The following RASAL2 variants were observed in gnomAD, a reference collection of about 807,000 sequenced individuals.
RASAL2 encodes the protein ras GTPase-activating protein nGAP.
RASAL2 carries 58 observed loss-of-function variants against 128.9 expected under a neutral mutation model. The observed-to-expected ratio is 0.45, with a 90% CI of 0.36 to 0.56. The LOEUF is 0.56. RASAL2 is among the 20% of genes least tolerant of loss of function. RASAL2 has a pLI of 0.00. For synonymous variants in RASAL2, 561 were observed against 580.8 expected (o/e 0.97, Z 0.49); for missense variants, 1,360 against 1,601.6 (o/e 0.85, Z 2.57).
chr1:178,443,057 GTT>G lies in RASAL2; in HGVS notation c.1312_1313del (p.Phe438ProfsTer30). ...GGACCTTCTATTCGGATTAAATCACGTTTCCAAACTATCACCATTCTGCCTAT... is the reference window on the plus strand; with the variant it reads ...GGACCTTCTATTCGGATTAAATCACGTCCAAACTATCACCATTCTGCCTAT... On this transcript the variant is annotated frameshift_variant, in exon 8 of 18. Transcript: ENST00000367649. LOFTEE classifies it high-confidence loss of function. 6.2e-7 allele frequency: 1 copy of G among 1,613,962 alleles called. No individual in the cohort carries two copies. Among genetic ancestry groups the G allele is most frequent in the Non-Finnish European group, 8.5e-7 (1 of 1,179,924 alleles).
chr1:178,240,850 T>C (rs949066440), intron 1 of RASAL2, among the ~76,000 whole-genome samples: 14 of 151,522 alleles, frequency 9.2e-5, no homozygotes, highest in Non-Finnish European at 1.9e-4. Flanking sequence ...TTATAATGTT[T>C]TTTAGGAAAA....
intron 1 of RASAL2, among the ~76,000 whole-genome samples, chr1:178,105,689 T>C (rs1311147980): frequency 6.6e-6 from 1 of 150,800 alleles, no homozygotes; most frequent in Non-Finnish European, 1.5e-5. Context: ...TGGGGTTCTT[T>C]TTTTTTTTTT....
At chr1:178,264,622 A>C (rs1282883914) in intron 1 of RASAL2, among the ~76,000 whole-genome samples, 1 of 152,126 alleles carries the variant, frequency 6.6e-6, no homozygotes, top group Non-Finnish European at 1.5e-5. Context: ...CCAGATGAGG[A>C]AGTATATAGG....
chr1:178,241,751 T>A (rs932846607), intron 1 of RASAL2, among the ~76,000 whole-genome samples: 18 of 152,326 alleles, frequency 1.2e-4, no homozygotes, highest in Non-Finnish European at 2.4e-4. Context: ...ACAAACTTAC[T>A]CTTCATTTGG....
At chr1:178,112,164 C>A (rs929587968) in intron 1 of RASAL2, among the ~76,000 whole-genome samples, 3 of 152,102 alleles carry the variant, frequency 2.0e-5, no homozygotes, top group Non-Finnish European at 4.4e-5. Flanking sequence ...TTCTCTTAAA[C>A]CTTTCAAAGA....
chr1:178,418,645 G>A (rs1039103841), intron 4 of RASAL2, among the ~76,000 whole-genome samples: 44 of 152,192 alleles, frequency 2.9e-4, no homozygotes, highest in African/African-American at 1.0e-3. Context: ...AATAAAAGGA[G>A]CAATGCCTGC....
At chr1:178,321,292 G>A (rs1668763931) in intron 3 of RASAL2, among the ~76,000 whole-genome samples, 1 of 151,914 alleles carries the variant, frequency 6.6e-6, no homozygotes, top group Non-Finnish European at 1.5e-5. Flanking sequence ...CCCCATGTTG[G>A]CCAGGCTAGT....
chr1:178,416,603 TTCTC>T (rs1263107912), intron 4 of RASAL2, among the ~76,000 whole-genome samples: 1 of 152,170 alleles, frequency 6.6e-6, no homozygotes, highest in African/African-American at 2.4e-5. Context: ...TTGTTTTCTT[TTCTC>T]TCTAAGGAAC....
intron 1 of RASAL2, among the ~76,000 whole-genome samples, chr1:178,225,531 G>A (rs1663755616): frequency 6.6e-6 from 1 of 151,670 alleles, no homozygotes. Context: ...TCTTGTCACT[G>A]TTATGAATGT....
chr1:178,220,098 C>T lies in RASAL2; in HGVS notation c.203-63466C>T, dbSNP rs368124044. Among the ~76,000 whole-genome samples, 16 of 152,220 alleles carry T rather than the reference C, an allele frequency of 1.1e-4. No individual in the cohort carries two copies. The East Asian group carries it at 3.1e-3, about 29-fold the overall frequency. On this transcript the variant is annotated intron_variant, in intron 1 of 17. Coordinates refer to ENST00000367649, the MANE Select transcript of RASAL2 (RefSeq NM_170692.4). ...TGCCTGCTCCCCCTTTGCCTTCCACCATGATTGTAAGCTTCCTGAGGCTGT... is the reference window on the plus strand; with the variant it reads ...TGCCTGCTCCCCCTTTGCCTTCCACTATGATTGTAAGCTTCCTGAGGCTGT...
intron 3 of RASAL2, chr1:178,372,466 C>A: frequency 1.6e-6 from 1 of 633,398 alleles, no homozygotes; most frequent in Non-Finnish European, 2.0e-6. Flanking sequence ...AAGTCGTTTG[C>A]TTTTCAAATT....
chr1:178,133,260 G>A (rs1000139879), intron 1 of RASAL2, among the ~76,000 whole-genome samples: 1 of 151,994 alleles, frequency 6.6e-6, no homozygotes, highest in Non-Finnish European at 1.5e-5. Context: ...TTACTCTTAC[G>A]CATTTTGCTC....
intron 1 of RASAL2, among the ~76,000 whole-genome samples, chr1:178,180,834 A>G (rs1662082706): frequency 6.6e-6 from 1 of 152,116 alleles, no homozygotes; most frequent in East Asian, 1.9e-4. Flanking sequence ...AAAAAAACCC[A>G]CAATTTATTC....
intron 12 of RASAL2, among the ~76,000 whole-genome samples, chr1:178,455,254 T>G (rs970980168): frequency 6.6e-6 from 1 of 152,178 alleles, no homozygotes. Flanking sequence ...ATTTTCTTCC[T>G]TCTGGAATTT....
At chr1:178,165,464 A>G (rs1319603476) in intron 1 of RASAL2, among the ~76,000 whole-genome samples, 3 of 152,182 alleles carry the variant, frequency 2.0e-5, no homozygotes, top group South Asian at 2.1e-4. Context: ...GAGGATGTGC[A>G]TAGGTTATAC....
At chr1:178,231,247 C>T (rs1038839963) in intron 1 of RASAL2, among the ~76,000 whole-genome samples, 2 of 151,966 alleles carry the variant, frequency 1.3e-5, no homozygotes, top group Admixed American at 1.3e-4. Flanking sequence ...TGGGGTGGGC[C>T]CTCTCCTGTC....
chr1:178,299,290 A>G (rs1003484044), intron 2 of RASAL2, among the ~76,000 whole-genome samples: 1 of 152,318 alleles, frequency 6.6e-6, no homozygotes, highest in African/African-American at 2.4e-5. Context: ...TTTGAGGCGA[A>G]GTCTTTCTGA....
chr1:178,282,241 G>A (rs1666818821), intron 1 of RASAL2, among the ~76,000 whole-genome samples: 1 of 152,136 alleles, frequency 6.6e-6, no homozygotes. Context: ...TTTGGGGGGA[G>A]TTGATAAACC....
At chr1:178,241,816 G>A (rs60483940) in intron 1 of RASAL2, among the ~76,000 whole-genome samples, 2,181 of 152,230 alleles carry the variant, frequency 0.014, 56 homozygotes, top group African/African-American at 0.049. Flanking sequence ...CCACAAATAC[G>A]TACATATATG....
Sources: gnomAD v4.1 joint callset for allele counts (sites outside exome capture counted in the v4.1 genomes callset) on GRCh38, gnomAD v4.1.1 for gene constraint, MANE v1.5 for transcripts, NCBI Gene and HGNC (gene_info 2026-07-23, HGNC 2026-07-21) for gene names.